CHST3: variants seen among roughly 807,000 people sequenced by gnomAD.
The protein encoded by CHST3 is C6ST-1.
In CHST3, 20 loss-of-function variants were observed where a neutral mutation model predicts 35.4. That is an observed-to-expected ratio of 0.57 (90% confidence interval 0.40 to 0.82). CHST3 has a LOEUF of 0.82. Ranked by LOEUF, CHST3 falls within the 40% of genes least tolerant of loss-of-function variation. The pLI is 0.00. For synonymous variants in CHST3, 334 were observed against 295.9 expected (o/e 1.13, Z -1.32); for missense variants, 693 against 670.1 (o/e 1.03, Z -0.38).
rs1840085676 is a variant in CHST3, at chr10:72,009,483, A to G, written c.*1012A>G. ...CCCGTCTAGCTTGGCTGGCTCCCGA[A>G]CATGTCCATATTTGAAGGCTGCCTC... is the stretch of plus-strand genomic sequence containing the variant. On this transcript the variant is annotated 3_prime_UTR_variant, in exon 3 of 3. Coordinates refer to ENST00000373115, the MANE Select transcript of CHST3 (RefSeq NM_004273.5). 1.3e-5 allele frequency: 2 copies of G among 152,230 alleles called. No individual in the cohort carries two copies. Among genetic ancestry groups the G allele is most frequent in the South Asian group, 4.1e-4 (2 of 4,830 alleles). The allele number at this position is 152,230 out of a possible 1,614,324, so 9.4% of individuals were successfully genotyped here.
intron 1 of CHST3, among the ~76,000 whole-genome samples, chr10:71,991,018 G>A (rs1024125697): frequency 6.6e-6 from 1 of 152,186 alleles, no homozygotes; most frequent in Non-Finnish European, 1.5e-5. Flanking sequence ...AGCATCCCAG[G>A]GATCCAGGCT....
At position 72,008,358 on chromosome 10, in the gene CHST3, G is replaced by A. The variant is rs764953708; in HGVS notation, c.1327G>A (p.Ala443Thr). The A allele has an allele frequency of 4.5e-6, 7 of 1,565,688 alleles. No homozygotes were observed. Among genetic ancestry groups the A allele is most frequent in the East Asian group, 2.4e-5 (1 of 42,250 alleles). ...PFKLAQVVQA[A>T]CGPAMRLFGY... ...CAAGCTGGCCCAGGTGGTGCAGGCC[G>A]CCTGCGGCCCTGCCATGCGCCTCTT... The change falls in exon 3 of 3, where the codon GCC becomes ACC. Residue 443 changes from alanine to threonine, a missense_variant. Coordinates refer to ENST00000373115, the MANE Select transcript of CHST3 (RefSeq NM_004273.5).
In CHST3 at chr10:71,964,534, C is replaced by T. The variant is rs1053518527; in HGVS notation, c.-268C>T. On this transcript the variant is annotated 5_prime_UTR_variant, in exon 1 of 3. Coordinates refer to ENST00000373115, the MANE Select transcript of CHST3 (RefSeq NM_004273.5). ...GCAGCGCCTCCATCCCTCCGGCCCG[C>T]CCCGGAGAAGACGCACAGCTCGGGC... 4 of 152,096 alleles carry T rather than the reference C, an allele frequency of 2.6e-5. No homozygotes were observed. The highest frequency in any genetic ancestry group is 9.7e-5 in the African/African-American group (4 of 41,422). 9.4% of individuals were successfully genotyped at this position (152,096 alleles called of 1,614,324 possible).
intron 1 of CHST3, among the ~76,000 whole-genome samples, chr10:72,001,339 T>A (rs746618364): frequency 8.5e-5 from 13 of 152,240 alleles, no homozygotes; most frequent in Non-Finnish European, 1.5e-4. Context: ...GGCACATGCC[T>A]CTGGCATACT....
intron 1 of CHST3, among the ~76,000 whole-genome samples, chr10:71,985,134 G>A (rs568860642): frequency 3.3e-5 from 5 of 152,214 alleles, no homozygotes; most frequent in Non-Finnish European, 7.3e-5. Context: ...CCTGTGCTGC[G>A]CAGCTGGCGT....
intron 1 of CHST3, among the ~76,000 whole-genome samples, chr10:72,003,700 C>CAAAAAA (rs10688056): frequency 9.0e-6 from 1 of 111,568 alleles, no homozygotes; most frequent in African/African-American, 3.5e-5. Flanking sequence ...GACTCTGTCT[C>CAAAAAA]AAAAAAAAAA....
intron 1 of CHST3, among the ~76,000 whole-genome samples, chr10:71,996,978 A>G (rs1839947109): frequency 6.6e-6 from 1 of 152,024 alleles, no homozygotes; most frequent in Non-Finnish European, 1.5e-5. Flanking sequence ...GATGGTCTCA[A>G]ACTCCTGGGC....
Position 72,007,162 on chromosome 10 carries a change from G to T in CHST3, c.141-10G>T. ...TCAGCCACTGACCCTGATCTTCTTT[G>T]TCCTCACAGGGTCTCAGACAAGCTG... On this transcript the variant is annotated splice_polypyrimidine_tract_variant and intron_variant, in intron 2 of 2. Transcript: ENST00000373115. 1 of 1,613,732 alleles carries T rather than the reference G, an allele frequency of 6.2e-7. No homozygotes were observed. The highest frequency in any genetic ancestry group is 2.2e-5 in the East Asian group (1 of 44,886).
At position 72,008,426 on chromosome 10, in the gene CHST3, C is replaced by T; in HGVS notation, c.1395C>T (p.Arg465=). The T allele has an allele frequency of 2.5e-6, 4 of 1,572,212 alleles. No homozygotes were observed. Among genetic ancestry groups the T allele is most frequent in the Non-Finnish European group, 3.5e-6 (4 of 1,159,364 alleles). The change falls in exon 3 of 3, where the codon CGC becomes CGT. Residue 465 remains arginine, a synonymous_variant. Transcript: ENST00000373115. ...LARDAAALTN[R]SVSLLEERGT... is the part of the protein sequence containing the mutation. ...GGGACGCCGCCGCCCTCACCAACCGCTCAGTCAGCCTGCTGGAGGAGAGGG... is the reference window on the plus strand; with the variant it reads ...GGGACGCCGCCGCCCTCACCAACCGTTCAGTCAGCCTGCTGGAGGAGAGGG...
At position 72,007,326 on chromosome 10, in the gene CHST3, T is replaced by A. The variant is rs1446955235; in HGVS notation, c.295T>A (p.Leu99Met). 5 of 1,611,610 alleles carry A rather than the reference T, an allele frequency of 3.1e-6. No homozygotes were observed. In the East Asian group the frequency reaches 1.1e-4, roughly 36 times the overall value. The change falls in exon 3 of 3, where the codon TTG becomes ATG. Residue 99 changes from leucine to methionine, a missense_variant. Physicochemically the swap from Leu to Met is conservative, Grantham distance 15. Coordinates refer to ENST00000373115, the MANE Select transcript of CHST3 (RefSeq NM_004273.5). ...TCAGAGCCGTCTCCGCAACCTCAGCTTGCAGCTGGGCGTGGAGCCAGCCAT... is the reference window on the plus strand; with the variant it reads ...TCAGAGCCGTCTCCGCAACCTCAGCATGCAGCTGGGCGTGGAGCCAGCCAT... ...QLQSRLRNLS[L>M]QLGVEPAMEA...
intron 1 of CHST3, among the ~76,000 whole-genome samples, chr10:71,993,942 A>C (rs1395544486): frequency 1.3e-5 from 2 of 152,198 alleles, no homozygotes; most frequent in Admixed American, 1.3e-4. Flanking sequence ...TCTGCTAAAA[A>C]TACAAAAATT....
Position 72,008,720 on chromosome 10 carries a change from C to T in CHST3, c.*249C>T. Reference sequence around the variant, plus strand: ...TTGCAGCCTCCTGAGCAGGCCTAGGCAGGCCCGGGCCTGTTGGCAAGCTTC... The same window carrying T: ...TTGCAGCCTCCTGAGCAGGCCTAGGTAGGCCCGGGCCTGTTGGCAAGCTTC... On this transcript the variant is annotated 3_prime_UTR_variant, in exon 3 of 3. Coordinates refer to ENST00000373115, the MANE Select transcript of CHST3 (RefSeq NM_004273.5). 2 of 602,546 alleles carry T rather than the reference C, an allele frequency of 3.3e-6. No individual in the cohort carries two copies. Among genetic ancestry groups the T allele is most frequent in the East Asian group, 3.2e-5 (1 of 31,396 alleles). The allele number at this position is 602,546 out of a possible 1,614,324, so 37.3% of individuals were successfully genotyped here.
intron 1 of CHST3, among the ~76,000 whole-genome samples, chr10:71,979,814 C>G (rs1386468054): frequency 6.6e-6 from 1 of 152,200 alleles, no homozygotes; most frequent in Non-Finnish European, 1.5e-5. Flanking sequence ...ACCACTCCCA[C>G]CACCCAGATG....
At chr10:71,976,035 G>A (rs1227329145) in intron 1 of CHST3, among the ~76,000 whole-genome samples, 2 of 152,238 alleles carry the variant, frequency 1.3e-5, no homozygotes, top group Non-Finnish European at 2.9e-5. Flanking sequence ...GGAGGAGCCA[G>A]CTTGCCCTCT....
intron 1 of CHST3, among the ~76,000 whole-genome samples, chr10:72,002,904 C>T (rs4148939): frequency 0.32 from 49,336 of 152,112 alleles, 10,006 homozygotes; most frequent in Non-Finnish European, 0.46. Context: ...ATGCGAGTCC[C>T]GACTTTGGGG....
At chr10:71,998,888 G>A (rs550629125) in intron 1 of CHST3, among the ~76,000 whole-genome samples, 18 of 152,252 alleles carry the variant, frequency 1.2e-4, no homozygotes, top group South Asian at 8.3e-4. Context: ...CCATAGCCCC[G>A]GGGCTATACT....
intron 1 of CHST3, among the ~76,000 whole-genome samples, chr10:71,978,259 G>A (rs961263009): frequency 3.9e-5 from 6 of 152,174 alleles, no homozygotes; most frequent in South Asian, 2.1e-4. Context: ...CCAGCTACTC[G>A]GGAGGCTGAG....
Position 72,008,340 on chromosome 10 carries a change from G to T in CHST3, c.1309G>T (p.Ala437Ser). ...KWRFSMPFKLAQVVQAACGPA... is the reference protein window; with the variant it reads ...KWRFSMPFKLSQVVQAACGPA... ...GCGCTTCAGCATGCCCTTCAAGCTG[G>T]CCCAGGTGGTGCAGGCCGCCTGCGG... The change falls in exon 3 of 3, where the codon GCC becomes TCC. Residue 437 changes from alanine to serine, a missense_variant. Physicochemically the swap from Ala to Ser is moderately conservative, Grantham distance 99. Transcript: ENST00000373115. 6.4e-7 allele frequency: 1 copy of T among 1,572,150 alleles called. No homozygotes were observed. The highest frequency in any genetic ancestry group is 8.6e-7 in the Non-Finnish European group (1 of 1,159,340).
At chr10:71,966,926 A>G (rs575509042) in intron 1 of CHST3, among the ~76,000 whole-genome samples, 1 of 152,280 alleles carries the variant, frequency 6.6e-6, no homozygotes, top group Admixed American at 6.5e-5. Context: ...GGTTTGTTAC[A>G]TAGGTAAATT....
Sources: allele counts gnomAD v4.1 joint callset (sites outside exome capture counted in the v4.1 genomes callset), GRCh38; gene constraint gnomAD v4.1.1; transcripts MANE v1.5; gene names NCBI Gene and HGNC (gene_info 2026-07-23, HGNC 2026-07-21).